The following SDK1 variants were observed in gnomAD, a reference collection of about 807,000 sequenced individuals.
The protein encoded by SDK1 is sidekick cell adhesion molecule 1.
Under a neutral mutation model 245.5 loss-of-function variants are expected in SDK1, and 157 were observed. That is an observed-to-expected ratio of 0.64 (90% confidence interval 0.56 to 0.73). SDK1 has a LOEUF of 0.73. Ranked by LOEUF, SDK1 falls within the 30% of genes least tolerant of loss-of-function variation. SDK1 has a pLI of 0.00. For synonymous variants in SDK1, 1,647 were observed against 1,278.5 expected (o/e 1.29, Z -6.15); for missense variants, 3,583 against 3,002.3 (o/e 1.19, Z -4.52).
chr7:3,960,508 C>T (rs1263567495), intron 8 of SDK1, among the ~76,000 whole-genome samples: 1 of 152,178 alleles, frequency 6.6e-6, no homozygotes, highest in Non-Finnish European at 1.5e-5. Context: ...CAGTGCTGTG[C>T]CACCCTTCCG....
intron 1 of SDK1, among the ~76,000 whole-genome samples, chr7:3,352,770 T>A (rs568060288): frequency 2.0e-5 from 3 of 152,178 alleles, no homozygotes; most frequent in Non-Finnish European, 4.4e-5. Flanking sequence ...GAAACCCTTT[T>A]TTTTTCTCTT....
At chr7:3,470,033 T>G (rs551778565) in intron 1 of SDK1, among the ~76,000 whole-genome samples, 1 of 152,302 alleles carries the variant, frequency 6.6e-6, no homozygotes, top group South Asian at 2.1e-4. Context: ...ACTGCTTTTC[T>G]TTCATTCATT....
chr7:3,691,232 G>C lies in SDK1; in HGVS notation c.713+49127G>C, dbSNP rs16870915. Among the ~76,000 whole-genome samples, 303 of 152,220 alleles carry C rather than the reference G, an allele frequency of 2.0e-3. 1 individual carries two copies. Among genetic ancestry groups the C allele is most frequent in the African/African-American group, 6.9e-3 (286 of 41,538 alleles). On this transcript the variant is annotated intron_variant, in intron 4 of 44. Transcript: ENST00000404826. ...CTTTAGATTTGCAAGAAATAAAAAG[G>C]CTCCAATTTTCTTAAGTTGTTATGA... is the stretch of plus-strand genomic sequence containing the variant.
intron 21 of SDK1, among the ~76,000 whole-genome samples, chr7:4,077,539 G>A (rs969099193): frequency 2.6e-5 from 4 of 152,192 alleles, no homozygotes; most frequent in South Asian, 4.1e-4. Flanking sequence ...TTTTCATGCT[G>A]CTGATAAAGA....
chr7:3,617,164 A>G (rs1286241650), intron 1 of SDK1, among the ~76,000 whole-genome samples: 1 of 152,170 alleles, frequency 6.6e-6, no homozygotes, highest in African/African-American at 2.4e-5. Context: ...GGCATTTAGA[A>G]TGGTTTCCAG....
intron 1 of SDK1, among the ~76,000 whole-genome samples, chr7:3,568,716 T>G (rs1040434137): frequency 1.2e-4 from 18 of 152,194 alleles, no homozygotes; most frequent in African/African-American, 4.3e-4. Context: ...CAGATAGATG[T>G]GGCCTTTGGT....
chr7:3,787,146 T>TCA (rs34838736), intron 4 of SDK1, among the ~76,000 whole-genome samples: 46,010 of 137,454 alleles, frequency 0.33, 7,268 homozygotes, highest in African/African-American at 0.4. Flanking sequence ...AGTATTGAAA[T>TCA]CACACACACA....
chr7:3,703,060 C>CAAA (rs34926857), intron 4 of SDK1, among the ~76,000 whole-genome samples: 12 of 87,630 alleles, frequency 1.4e-4, no homozygotes, highest in South Asian at 7.9e-4. Flanking sequence ...GACTCTGTCT[C>CAAA]AAAAAAAAAA....
At position 4,220,110 on chromosome 7, in the gene SDK1, G is replaced by A. The variant is rs772985568; in HGVS notation, c.5541G>A (p.Gly1847=). The change falls in exon 39 of 45, where the codon GGG becomes GGA. Residue 1847 remains glycine (G), a splice_region_variant and synonymous_variant. Transcript: ENST00000404826. ...VVYEPLAPVQ[G]VSKVVTVEVR... is the part of the protein sequence containing the mutation. ...TTCCTTTGCTTCTGGCGGCTGCAGG[G>A]GTGAGCAAGGTGGTGACCGTGGAAG... is the stretch of plus-strand genomic sequence containing the variant. 1.2e-5 allele frequency: 19 copies of A among 1,613,318 alleles called. No individual in the cohort carries two copies. In the African/African-American group the frequency reaches 1.7e-4, roughly 15 times the overall value.
At chr7:3,995,445 G>A (rs562667248) in intron 14 of SDK1, among the ~76,000 whole-genome samples, 2 of 151,826 alleles carry the variant, frequency 1.3e-5, no homozygotes, top group Non-Finnish European at 2.9e-5. Context: ...CTCTACTTGC[G>A]TTGTCCCCAT....
At chr7:3,763,424 A>G (rs1391551308) in intron 4 of SDK1, among the ~76,000 whole-genome samples, 1 of 152,200 alleles carries the variant, frequency 6.6e-6, no homozygotes, top group African/African-American at 2.4e-5. Flanking sequence ...AGATTCTGCA[A>G]CGAACATTTT....
At chr7:3,967,817 C>T (rs1430558381) in intron 10 of SDK1, among the ~76,000 whole-genome samples, 3 of 152,218 alleles carry the variant, frequency 2.0e-5, no homozygotes, top group Non-Finnish European at 2.9e-5. Context: ...ACGGTGGCCA[C>T]CGCTCACCTC....
At chr7:3,453,700 C>G (rs374260600) in intron 1 of SDK1, among the ~76,000 whole-genome samples, 1 of 152,142 alleles carries the variant, frequency 6.6e-6, no homozygotes, top group Non-Finnish European at 1.5e-5. Flanking sequence ...TTGCCACAGT[C>G]TCTCCACTCA....
chr7:4,114,412 G>A (rs541205423), intron 25 of SDK1, 138 bp downstream of exon 25: 26 of 700,726 alleles, frequency 3.7e-5, no homozygotes, highest in Admixed American at 1.2e-4. Flanking sequence ...TCCTAATCCC[G>A]GGTTTGGCCA....
At position 4,255,836 on chromosome 7, in the gene SDK1, C is replaced by T. The variant is rs141435917; in HGVS notation, c.6382-9288C>T. ...CTCAAGCACCACAGACTCTCACTATCGAGTGAGATTTAGCGCAGATCTTGT... is the reference window on the plus strand; with the variant it reads ...CTCAAGCACCACAGACTCTCACTATTGAGTGAGATTTAGCGCAGATCTTGT... On this transcript the variant is annotated intron_variant, in intron 44 of 44. Transcript: ENST00000404826. 7.9e-5 allele frequency among the ~76,000 whole-genome samples: 12 copies of T among 151,782 alleles called. No individual in the cohort carries two copies. In the East Asian group the frequency reaches 2.3e-3, roughly 29 times the overall value.
intron 1 of SDK1, among the ~76,000 whole-genome samples, chr7:3,457,695 T>C (rs567514076): frequency 2.8e-4 from 43 of 152,278 alleles, no homozygotes; most frequent in African/African-American, 1.0e-3. Flanking sequence ...CTGGAGATCT[T>C]CCTCTAAGAG....
At chr7:4,264,504 CGCGTGG>C (rs1788316786) in intron 44 of SDK1, among the ~76,000 whole-genome samples, 2 of 126,386 alleles carry the variant, frequency 1.6e-5, no homozygotes, top group Non-Finnish European at 3.4e-5. Context: ...TGAGGGAGGC[CGCGTGG>C]ACCTCTCCTG....
intron 1 of SDK1, among the ~76,000 whole-genome samples, chr7:3,527,429 G>C (rs1160137998): frequency 5.9e-5 from 9 of 152,168 alleles, no homozygotes; most frequent in African/African-American, 7.2e-5. Flanking sequence ...GCAGAGACCT[G>C]ATTGATATGA....
At chr7:3,958,576 G>A (rs1397471254) in intron 7 of SDK1, among the ~76,000 whole-genome samples, 3 of 152,220 alleles carry the variant, frequency 2.0e-5, no homozygotes, top group Admixed American at 6.5e-5. Context: ...TCACGAGCTC[G>A]TGTTTAGTTT....
Sources: gnomAD v4.1 joint callset for allele counts (sites outside exome capture counted in the v4.1 genomes callset) on GRCh38, gnomAD v4.1.1 for gene constraint, MANE v1.5 for transcripts, NCBI Gene and HGNC (gene_info 2026-07-23, HGNC 2026-07-21) for gene names.